PARD3: variants seen among roughly 807,000 people sequenced by gnomAD.
PARD3 encodes par-3 family cell polarity regulator, also known as partitioning defective 3 homolog.
PARD3 carries 75 observed loss-of-function variants against 155.4 expected under a neutral mutation model. That is an observed-to-expected ratio of 0.48 (90% confidence interval 0.40 to 0.58). The LOEUF (loss-of-function observed/expected upper bound fraction) is 0.58. Among genes scored for constraint, PARD3 ranks in the 20% least tolerant of loss-of-function variants. PARD3 has a pLI of 0.00. For synonymous variants in PARD3, 576 were observed against 610.5 expected, an observed-to-expected ratio of 0.94 and a Z score of 0.83; for missense variants, 1,642 against 1,721.7, an observed-to-expected ratio of 0.95 and a Z score of 0.82.
At chr10:34,668,790 T>A (rs778833996) in intron 2 of PARD3, among the ~76,000 whole-genome samples, 1 of 152,098 alleles carries the variant, frequency 6.6e-6, no homozygotes, top group Non-Finnish European at 1.5e-5. Context: ...CTGGGCAACA[T>A]AGCAAAACCC....
chr10:34,389,926 A>G (rs1175972210), intron 7 of PARD3, among the ~76,000 whole-genome samples: 4 of 152,216 alleles, frequency 2.6e-5, no homozygotes, highest in African/African-American at 7.2e-5. Flanking sequence ...GAAATCACAG[A>G]TGTCATATTG....
intron 2 of PARD3, among the ~76,000 whole-genome samples, chr10:34,636,990 TAAAA>T (rs545285454): frequency 2.7e-4 from 41 of 152,310 alleles, no homozygotes; most frequent in Non-Finnish European, 4.6e-4. Flanking sequence ...GGCATGAACT[TAAAA>T]GAAAGGAACT....
At chr10:34,657,414 C>G (rs557312859) in intron 2 of PARD3, among the ~76,000 whole-genome samples, 142 of 152,326 alleles carry the variant, frequency 9.3e-4, no homozygotes, top group Middle Eastern at 3.4e-3. Context: ...CTACTTCGAT[C>G]TATTTGACAA....
At chr10:34,573,730 A>AAAACACACACAC (rs1197132914) in intron 2 of PARD3, among the ~76,000 whole-genome samples, 2 of 36,336 alleles carry the variant, frequency 5.5e-5, no homozygotes, top group Non-Finnish European at 1.0e-4. Flanking sequence ...CAAACAAACA[A>AAAACACACACAC]ACAAAAACAC....
At chr10:34,422,414 T>C (rs570294715) in intron 5 of PARD3, among the ~76,000 whole-genome samples, 5 of 151,914 alleles carry the variant, frequency 3.3e-5, no homozygotes, top group East Asian at 3.9e-4. Context: ...AAAGCAAAAA[T>C]AGGCAAACAA....
intron 2 of PARD3, among the ~76,000 whole-genome samples, chr10:34,690,615 A>G (rs2094038204): frequency 6.6e-6 from 1 of 152,156 alleles, no homozygotes; most frequent in African/African-American, 2.4e-5. Flanking sequence ...AAACTTCCAC[A>G]ACAGGTTATT....
At chr10:34,193,080 C>T (rs1431135152) in intron 22 of PARD3, among the ~76,000 whole-genome samples, 1 of 152,144 alleles carries the variant, frequency 6.6e-6, no homozygotes, top group African/African-American at 2.4e-5. Context: ...TACAAAACAC[C>T]TTTTGAATTA....
chr10:34,705,197 C>T (rs187074642), intron 1 of PARD3, among the ~76,000 whole-genome samples: 1 of 152,330 alleles, frequency 6.6e-6, no homozygotes, highest in Admixed American at 6.5e-5. Flanking sequence ...GGTGCAGTAG[C>T]TCACGCCTGT....
In PARD3 at chr10:34,710,762, T is replaced by C. The variant is rs145444030; in HGVS notation, c.121-14343A>G. Among the ~76,000 whole-genome samples, 135 of 152,332 alleles carry C rather than the reference T, an allele frequency of 8.9e-4. 1 individual carries two copies. The highest frequency in any genetic ancestry group is 1.5e-3 in the Non-Finnish European group (104 of 68,032). On this transcript the variant is annotated intron_variant, in intron 1 of 24. Transcript: ENST00000374788. ...TGAGACAGAGAAGATGCTCAATAAA[T>C]ACTGGTCAAGTGAAGAGACCCTTAT...
chr10:34,807,113 G>C (rs1050668591), intron 1 of PARD3, among the ~76,000 whole-genome samples: 4 of 152,162 alleles, frequency 2.6e-5, no homozygotes, highest in African/African-American at 4.8e-5. Flanking sequence ...GAGGGGGTAG[G>C]GGGTAGCACA....
At chr10:34,772,792 TAAAAAAAAA>T (rs555582256) in intron 1 of PARD3, among the ~76,000 whole-genome samples, 13 of 90,312 alleles carry the variant, frequency 1.4e-4, no homozygotes, top group African/African-American at 2.1e-4. Flanking sequence ...AGACTCCATC[TAAAAAAAAA>T]AAAAAAAAAA....
At chr10:34,577,641 T>C (rs1330269487) in intron 2 of PARD3, among the ~76,000 whole-genome samples, 2 of 152,146 alleles carry the variant, frequency 1.3e-5, no homozygotes, top group Non-Finnish European at 2.9e-5. Context: ...ATGAGCACCA[T>C]ATGGCTCATC....
At chr10:34,493,523 G>C (rs912727346) in intron 3 of PARD3, among the ~76,000 whole-genome samples, 2 of 152,126 alleles carry the variant, frequency 1.3e-5, no homozygotes, top group Non-Finnish European at 2.9e-5. Flanking sequence ...CCTGAGGTCA[G>C]GAGTTCCAGA....
chr10:34,429,412 T>G (rs1431381777), intron 5 of PARD3, among the ~76,000 whole-genome samples: 1 of 151,948 alleles, frequency 6.6e-6, no homozygotes, highest in African/African-American at 2.4e-5. Context: ...TTCCTTTTTT[T>G]GAGACAGGGT....
At chr10:34,502,817 GAGA>G (rs1465080697) in intron 3 of PARD3, among the ~76,000 whole-genome samples, 2 of 152,128 alleles carry the variant, frequency 1.3e-5, no homozygotes, top group Non-Finnish European at 2.9e-5. Context: ...TTGAAGAAAA[GAGA>G]AGGACAGATC....
chr10:34,281,099 C>T (rs886605696), intron 21 of PARD3, among the ~76,000 whole-genome samples: 8 of 151,120 alleles, frequency 5.3e-5, no homozygotes, highest in Admixed American at 1.3e-4. Context: ...AAATCTATCA[C>T]GGGGCTTTGT....
chr10:34,309,547 CCAAAAAAAA>C (rs1337944185), intron 20 of PARD3, among the ~76,000 whole-genome samples: 6 of 46,644 alleles, frequency 1.3e-4, no homozygotes, highest in East Asian at 1.5e-3. Flanking sequence ...GACCCTGTCT[CCAAAAAAAA>C]AAAAAAAAAA....
chr10:34,222,270 G>A (rs1440341822), intron 22 of PARD3, among the ~76,000 whole-genome samples: 1 of 152,178 alleles, frequency 6.6e-6, no homozygotes, highest in Admixed American at 6.5e-5. Context: ...CCCTCACAAA[G>A]TATGTATTAA....
chr10:34,439,586 TA>T (rs1375645858), intron 5 of PARD3, among the ~76,000 whole-genome samples: 1 of 151,946 alleles, frequency 6.6e-6, no homozygotes, highest in East Asian at 1.9e-4. Context: ...GCCATCTGAG[TA>T]GTTGGGATTA....
Sources: gnomAD v4.1 joint callset for allele counts (sites outside exome capture counted in the v4.1 genomes callset) on GRCh38, gnomAD v4.1.1 for gene constraint, MANE v1.5 for transcripts, NCBI Gene and HGNC (gene_info 2026-07-23, HGNC 2026-07-21) for gene names.